SLC16A10: variants seen among roughly 807,000 people sequenced by gnomAD.
SLC16A10 encodes solute carrier family 16 member 10.
Under a neutral mutation model 40.0 loss-of-function variants are expected in SLC16A10, and 27 were observed. The ratio of observed to expected loss-of-function variants is 0.67; its 90% CI spans 0.50 to 0.93. The LOEUF (loss-of-function observed/expected upper bound fraction) is 0.93, where lower values mean the gene tolerates loss of function less well. Ranked by LOEUF, SLC16A10 falls within the 40% of genes least tolerant of loss-of-function variation. The probability of loss-of-function intolerance (pLI) is 0.00; values close to 1 mark genes in which losing one functional copy is unlikely to be tolerated. For synonymous variants in SLC16A10, 213 were observed against 249.8 expected (o/e 0.85, Z 1.39); for missense variants, 529 against 658.2 (o/e 0.80, Z 2.15).
At chr6:111,151,428 A>G (rs970480743) in intron 1 of SLC16A10, among the ~76,000 whole-genome samples, 6 of 152,218 alleles carry the variant, frequency 3.9e-5, no homozygotes, top group African/African-American at 9.6e-5. Flanking sequence ...CTAATGGATC[A>G]TAAGTCCTGT....
intron 1 of SLC16A10, among the ~76,000 whole-genome samples, chr6:111,107,714 C>T (rs1771308913): frequency 6.6e-6 from 1 of 152,096 alleles, no homozygotes; most frequent in Non-Finnish European, 1.5e-5. Context: ...GCAATGGCTA[C>T]CAAGAGGTGG....
intron 1 of SLC16A10, among the ~76,000 whole-genome samples, chr6:111,112,499 A>G (rs1381067284): frequency 5.3e-5 from 8 of 152,204 alleles, no homozygotes; most frequent in South Asian, 4.1e-4. Context: ...CTTGTTTACA[A>G]CTATATTTGC....
At chr6:111,146,754 A>G (rs1772086819) in intron 1 of SLC16A10, among the ~76,000 whole-genome samples, 1 of 152,116 alleles carries the variant, frequency 6.6e-6, no homozygotes, top group South Asian at 2.1e-4. Flanking sequence ...AAAAAGATAT[A>G]TACACAGAAA....
Position 111,177,433 on chromosome 6 carries a change from T to C in SLC16A10, c.710T>C (p.Leu237Pro). Residue 237 changes from leucine (L) to proline (P), a missense_variant, in exon 3 of 6, where the codon CTC (leucine) becomes CCC (proline). By Grantham distance (98) the Leu-to-Pro change is moderately conservative. Transcript: ENST00000368851. Reference protein sequence around the residue: ...SVGLFYTLRVLCIFMFVLFLA... With the variant: ...SVGLFYTLRVPCIFMFVLFLA... ...GGCCTCTTTTACACATTGAGGGTGC[T>C]CTGCATCTTCATGTTTGTTCTCTTT... The C allele has an allele frequency of 1.9e-6, 3 of 1,614,126 alleles. No homozygotes were observed. The highest frequency in any genetic ancestry group is 2.5e-6 in the Non-Finnish European group (3 of 1,180,012).
chr6:111,207,538 C>T (rs1201353727), intron 4 of SLC16A10, among the ~76,000 whole-genome samples: 1 of 152,196 alleles, frequency 6.6e-6, no homozygotes, highest in African/African-American at 2.4e-5. Flanking sequence ...ATGGTCTGTG[C>T]CCTCACCTAG....
intron 3 of SLC16A10, among the ~76,000 whole-genome samples, chr6:111,184,291 A>C (rs1483842494): frequency 2.0e-5 from 3 of 152,164 alleles, no homozygotes; most frequent in Non-Finnish European, 4.4e-5. Context: ...ATATGTATTC[A>C]TTAGCCTGTT....
intron 1 of SLC16A10, among the ~76,000 whole-genome samples, chr6:111,145,536 A>G (rs540200847): frequency 1.3e-5 from 2 of 152,358 alleles, no homozygotes; most frequent in East Asian, 1.9e-4. Flanking sequence ...AGCCACAGGA[A>G]AAAGAATGAA....
chr6:111,177,235 C>A lies in SLC16A10; in HGVS notation c.512C>A (p.Thr171Asn). 3 of 1,563,314 alleles carry A rather than the reference C, an allele frequency of 1.9e-6. No individual in the cohort carries two copies. The highest frequency in any genetic ancestry group is 2.6e-6 in the Non-Finnish European group (3 of 1,157,968). The change falls in exon 3 of 6, where the codon ACC (threonine) becomes AAC (asparagine). Residue 171 changes from threonine to asparagine, a missense_variant. Thr to Asn is a moderately conservative substitution (Grantham distance 65, BLOSUM62 0). Coordinates refer to ENST00000368851, the MANE Select transcript of SLC16A10 (RefSeq NM_018593.5). ...AGTTCCATCGAGCCTCTGTACCTTA[C>A]CTATGGAATCATATTTGCCTGCGGC... ...FVSSIEPLYL[T>N]YGIIFACGCS...
intron 1 of SLC16A10, among the ~76,000 whole-genome samples, chr6:111,119,147 A>ATTTGGAGGTAAACCGGGTAAAAGT (rs1248137429): frequency 6.6e-6 from 1 of 152,234 alleles, no homozygotes; most frequent in Non-Finnish European, 1.5e-5. Context: ...AGGTCTCCTC[A>ATTTGGAGGTAAACCGGGTAAAAGT]GATCCTATTT....
At chr6:111,100,588 CAT>C (rs1285378586) in intron 1 of SLC16A10, among the ~76,000 whole-genome samples, 1 of 152,036 alleles carries the variant, frequency 6.6e-6, no homozygotes, top group Admixed American at 6.6e-5. Context: ...GGGGTTTCAC[CAT>C]GTTAGCCAGG....
intron 1 of SLC16A10, among the ~76,000 whole-genome samples, chr6:111,141,000 G>A (rs1380011091): frequency 6.6e-6 from 1 of 152,050 alleles, no homozygotes; most frequent in African/African-American, 2.4e-5. Context: ...ATGTTGCCTA[G>A]GCCAGTCTCG....
chr6:111,089,104 C>CT (rs961816779), intron 1 of SLC16A10, among the ~76,000 whole-genome samples: 17 of 150,806 alleles, frequency 1.1e-4, no homozygotes, highest in South Asian at 8.5e-4. Context: ...GATTAATAGT[C>CT]TTTTTTTTTA....
At chr6:111,111,597 T>C (rs576426537) in intron 1 of SLC16A10, among the ~76,000 whole-genome samples, 1 of 152,224 alleles carries the variant, frequency 6.6e-6, no homozygotes, top group Non-Finnish European at 1.5e-5. Context: ...TCTAAATTTC[T>C]TGAATTTATT....
At chr6:111,219,981 C>T (rs1030993315) in intron 5 of SLC16A10, among the ~76,000 whole-genome samples, 7 of 152,122 alleles carry the variant, frequency 4.6e-5, no homozygotes, top group Non-Finnish European at 7.3e-5. Flanking sequence ...CCCACCTACT[C>T]CAGAGGCGGA....
At chr6:111,203,647 G>C (rs1272074523) in intron 3 of SLC16A10, among the ~76,000 whole-genome samples, 1 of 151,470 alleles carries the variant, frequency 6.6e-6, no homozygotes, top group Non-Finnish European at 1.5e-5. Flanking sequence ...GCTTGAACCA[G>C]GTAGGTGGAG....
At chr6:111,090,784 A>G (rs925867162) in intron 1 of SLC16A10, among the ~76,000 whole-genome samples, 1 of 152,242 alleles carries the variant, frequency 6.6e-6, no homozygotes, top group African/African-American at 2.4e-5. Context: ...TGCAAGCTTC[A>G]AATACATGCC....
chr6:111,147,359 C>T (rs1328863493), intron 1 of SLC16A10, among the ~76,000 whole-genome samples: 4 of 152,124 alleles, frequency 2.6e-5, no homozygotes, highest in Non-Finnish European at 5.9e-5. Context: ...AAAAGCAAAA[C>T]TGTTCTAGCA....
chr6:111,142,142 G>A (rs1015729882), intron 1 of SLC16A10, among the ~76,000 whole-genome samples: 1 of 152,176 alleles, frequency 6.6e-6, no homozygotes, highest in Non-Finnish European at 1.5e-5. Context: ...ACAGTAATCA[G>A]AACAGTATGG....
chr6:111,212,575 T>C (rs1409170910), intron 4 of SLC16A10, among the ~76,000 whole-genome samples: 2 of 152,086 alleles, frequency 1.3e-5, no homozygotes, highest in African/African-American at 4.8e-5. Flanking sequence ...GAAGGATCCC[T>C]TGACCCCAGG....
Sources: allele counts gnomAD v4.1 joint callset (sites outside exome capture counted in the v4.1 genomes callset), GRCh38; gene constraint gnomAD v4.1.1; transcripts MANE v1.5; gene names NCBI Gene and HGNC (gene_info 2026-07-23, HGNC 2026-07-21).